RNF24: variants seen among roughly 807,000 people sequenced by gnomAD.
The protein encoded by RNF24 is ring finger protein 24.
RNF24 carries 14 observed loss-of-function variants against 20.0 expected under a neutral mutation model. The ratio of observed to expected loss-of-function variants is 0.70; its 90% CI spans 0.46 to 1.10. RNF24 has a LOEUF of 1.10. Ranked by LOEUF, RNF24 falls within the 50% of genes least tolerant of loss-of-function variation. RNF24 has a pLI of 0.00. For synonymous variants in RNF24, 45 were observed against 61.1 expected, an observed-to-expected ratio of 0.74 and a Z score of 1.23; for missense variants, 124 against 177.6, an observed-to-expected ratio of 0.70 and a Z score of 1.71.
Position 4,001,675 on chromosome 20 carries a change from G to A in RNF24, c.-8+13762C>T, listed in dbSNP as rs182252774. 6.1e-3 allele frequency among the ~76,000 whole-genome samples: 931 copies of A among 152,182 alleles called. 4 individuals are homozygous for A. Among genetic ancestry groups the A allele is most frequent in the Non-Finnish European group, 0.011 (727 of 68,010 alleles). ...GTTTCAGGCCAGCATGGTGAATCACGCCCGTAGCCCAGCACTTTGGCAGGC... is the reference window on the plus strand; with the variant it reads ...GTTTCAGGCCAGCATGGTGAATCACACCCGTAGCCCAGCACTTTGGCAGGC... On this transcript the variant is annotated intron_variant, in intron 1 of 5. Transcript: ENST00000358395.
intron 1 of RNF24, among the ~76,000 whole-genome samples, chr20:3,982,704 T>C (rs978400114): frequency 1.3e-5 from 2 of 151,564 alleles, no homozygotes; most frequent in South Asian, 2.1e-4. Flanking sequence ...CTGGGCAACA[T>C]AGGGAGACCC....
rs192238872 is a variant in RNF24 at position 3,961,090 on chromosome 20, G to C, written c.143+2785C>G. Reference sequence around the variant, plus strand: ...TTACAGGTATGAGCCACTGCACCCGGCCTGTTAGGCTGATTATAAAAAAGG... The same window carrying C: ...TTACAGGTATGAGCCACTGCACCCGCCCTGTTAGGCTGATTATAAAAAAGG... On this transcript the variant is annotated intron_variant, in intron 2 of 5. Coordinates refer to ENST00000358395, the MANE Select transcript of RNF24 (RefSeq NM_001134337.3). Among the ~76,000 whole-genome samples the C allele has an allele frequency of 9.4e-3, 1,432 of 152,208 alleles. 11 individuals carry two copies. The highest frequency in any genetic ancestry group is 0.012 in the Non-Finnish European group (799 of 68,014).
At position 3,934,350 on chromosome 20, in the gene RNF24, C is replaced by T; in HGVS notation, c.309-149G>A. ...CCTAGGTGGTGAACGGATGTCACCC[C>T]CTGGAGAGAGGGAAGAGACAGAGAG... On this transcript the variant is annotated intron_variant, in intron 5 of 5. Coordinates refer to ENST00000358395, the MANE Select transcript of RNF24 (RefSeq NM_001134337.3). The surrounding 1 kb of genome is among the most constrained non-coding windows in gnomAD (Gnocchi z 4.0). 3 of 718,712 alleles carry T rather than the reference C, an allele frequency of 4.2e-6. No homozygotes were observed. Among genetic ancestry groups the T allele is most frequent in the Non-Finnish European group, 6.4e-6 (3 of 470,092 alleles). The allele number at this position is 718,712 out of a possible 1,614,324, so 44.5% of individuals were successfully genotyped here.
intron 1 of RNF24, among the ~76,000 whole-genome samples, chr20:3,981,903 G>A (rs563842061): frequency 6.6e-6 from 1 of 152,008 alleles, no homozygotes; most frequent in African/African-American, 2.4e-5. Flanking sequence ...CAGATCACTT[G>A]AGCTCAGGAG....
At chr20:3,945,046 A>C in intron 4 of RNF24, 131 bp downstream of exon 4, 1 of 1,199,138 alleles carries the variant, frequency 8.3e-7, no homozygotes, top group Non-Finnish European at 1.2e-6. Context: ...CCTCACCCTG[A>C]AATATTCTAT....
chr20:3,930,225 A>G lies in RNF24; in HGVS notation c.*3838T>C, dbSNP rs2090802979. On this transcript the variant is annotated 3_prime_UTR_variant, in exon 6 of 6. Coordinates refer to ENST00000358395, the MANE Select transcript of RNF24 (RefSeq NM_001134337.3). Reference sequence around the variant, plus strand: ...TACCTATTCAAAACATTAAGAAAGAAATATTCAGCACTGAACAACCAAGTC... The same window carrying G: ...TACCTATTCAAAACATTAAGAAAGAGATATTCAGCACTGAACAACCAAGTC... 6.6e-6 allele frequency: 1 copy of G among 152,236 alleles called. No individual in the cohort carries two copies. The highest frequency in any genetic ancestry group is 2.4e-5 in the African/African-American group (1 of 41,454). 9.4% of individuals were successfully genotyped at this position (152,236 alleles called of 1,614,324 possible).
At chr20:3,998,564 G>C (rs565427392) in intron 1 of RNF24, among the ~76,000 whole-genome samples, 3 of 106,928 alleles carry the variant, frequency 2.8e-5, no homozygotes, top group African/African-American at 1.1e-4. Flanking sequence ...AACAGAGCGA[G>C]ACTCTATCTC....
intron 2 of RNF24, among the ~76,000 whole-genome samples, chr20:3,956,573 T>C (rs1212100165): frequency 1.3e-5 from 2 of 152,040 alleles, no homozygotes; most frequent in African/African-American, 2.4e-5. Flanking sequence ...CAATAATTTT[T>C]ACTATTATAC....
intron 1 of RNF24, among the ~76,000 whole-genome samples, chr20:4,014,227 A>G (rs1026482484): frequency 3.9e-5 from 6 of 152,362 alleles, no homozygotes; most frequent in Middle Eastern, 3.4e-3. Context: ...ATGCCAGGGT[A>G]ATATGCAATA....
intron 1 of RNF24, among the ~76,000 whole-genome samples, chr20:3,995,436 T>G (rs1199934323): frequency 6.6e-6 from 1 of 152,182 alleles, no homozygotes; most frequent in Non-Finnish European, 1.5e-5. Flanking sequence ...CCACATTTCT[T>G]CAACAACAAT....
intron 1 of RNF24, among the ~76,000 whole-genome samples, chr20:4,011,040 C>T (rs555739683): frequency 2.0e-5 from 3 of 152,122 alleles, no homozygotes; most frequent in East Asian, 3.9e-4. Flanking sequence ...TACAATCTAC[C>T]CCACAAGCAA....
chr20:3,960,058 TTCTATAC>T (rs2091184888), intron 2 of RNF24, among the ~76,000 whole-genome samples: 1 of 152,230 alleles, frequency 6.6e-6, no homozygotes, highest in Non-Finnish European at 1.5e-5. Context: ...AGTCAGCACA[TTCTATAC>T]TACAATCCTG....
At chr20:3,937,449 A>G (rs1368796453) in intron 4 of RNF24, among the ~76,000 whole-genome samples, 2 of 152,230 alleles carry the variant, frequency 1.3e-5, no homozygotes, top group Non-Finnish European at 2.9e-5. Context: ...GATACAATTA[A>G]TCTACTATAA....
chr20:3,997,584 G>A (rs879516686), intron 1 of RNF24, among the ~76,000 whole-genome samples: 1 of 150,588 alleles, frequency 6.6e-6, no homozygotes, highest in Non-Finnish European at 1.5e-5. Context: ...GTGCTACCAC[G>A]CCCAGCTAAT....
In RNF24 at chr20:3,929,795, C is replaced by G. The variant is rs1270497055; in HGVS notation, c.*4268G>C. The G allele has an allele frequency of 6.6e-6, 1 of 152,216 alleles. No homozygotes were observed. Among genetic ancestry groups the G allele is most frequent in the Non-Finnish European group, 1.5e-5 (1 of 68,038 alleles). The allele number at this position is 152,216 out of a possible 1,614,324, so 9.4% of individuals were successfully genotyped here. On this transcript the variant is annotated 3_prime_UTR_variant, in exon 6 of 6. Coordinates refer to ENST00000358395, the MANE Select transcript of RNF24 (RefSeq NM_001134337.3). ...TGGTTGTGCTCTTGGATTAGCTGGG[C>G]ATTTGGGGTAAGGGAGGGACTGCAG...
At chr20:3,991,728 A>G (rs1300727808) in intron 1 of RNF24, among the ~76,000 whole-genome samples, 5 of 152,192 alleles carry the variant, frequency 3.3e-5, no homozygotes, top group African/African-American at 1.2e-4. Flanking sequence ...TCCTATAGCT[A>G]TCTGTCTTAA....
chr20:3,972,657 G>GTC (rs1978453260), intron 1 of RNF24, among the ~76,000 whole-genome samples: 1 of 151,848 alleles, frequency 6.6e-6, no homozygotes, highest in Non-Finnish European at 1.5e-5. Context: ...TCCCAGCACT[G>GTC]TGGAGGGCCG....
At chr20:4,003,152 G>A (rs147998852) in intron 1 of RNF24, among the ~76,000 whole-genome samples, 1,670 of 152,022 alleles carry the variant, frequency 0.011, 37 homozygotes, top group African/African-American at 0.039. Context: ...TTGTATTTTT[G>A]TAGAGACAGG....
chr20:3,989,278 T>G (rs901286904), intron 1 of RNF24, among the ~76,000 whole-genome samples: 1 of 151,782 alleles, frequency 6.6e-6, no homozygotes, highest in African/African-American at 2.4e-5. Context: ...GATCACGAGG[T>G]CAGGAGATCA....
Sources: gnomAD v4.1 joint callset for allele counts (sites outside exome capture counted in the v4.1 genomes callset) on GRCh38, gnomAD v4.1.1 for gene constraint, Gnocchi (gnomAD v3.1) non-coding constraint, MANE v1.5 for transcripts, NCBI Gene and HGNC (gene_info 2026-07-23, HGNC 2026-07-21) for gene names.